CNBD1: variants seen among roughly 807,000 people sequenced by gnomAD.
CNBD1 encodes the protein cyclic nucleotide binding domain containing 1.
In CNBD1, 71 loss-of-function variants were observed where a neutral mutation model predicts 54.4. The observed-to-expected ratio is 1.30, with a 90% confidence interval of 1.08 to 1.59. CNBD1 has a LOEUF of 1.59. Among genes scored for constraint, CNBD1 ranks in the 40% most tolerant of loss-of-function variants. CNBD1 has a pLI of 0.00. For missense variants in CNBD1, 659 were observed against 518.0 expected, an observed-to-expected ratio of 1.27 and a Z score of -2.64; for synonymous variants, 182 against 170.7, an observed-to-expected ratio of 1.07 and a Z score of -0.51.
intron 4 of CNBD1, among the ~76,000 whole-genome samples, chr8:87,179,059 T>C (rs540749734): frequency 2.6e-5 from 4 of 152,232 alleles, no homozygotes; most frequent in Admixed American, 2.0e-4. Context: ...TACAGGTGCG[T>C]GCCACCATGC....
chr8:87,280,012 C>T (rs953821959), intron 6 of CNBD1, among the ~76,000 whole-genome samples: 5 of 151,246 alleles, frequency 3.3e-5, no homozygotes, highest in African/African-American at 1.2e-4. Flanking sequence ...CTCTTTGATT[C>T]AGCATATAGG....
At chr8:87,197,660 G>C (rs74760186) in intron 4 of CNBD1, among the ~76,000 whole-genome samples, 1 of 152,052 alleles carries the variant, frequency 6.6e-6, no homozygotes, top group Admixed American at 6.6e-5. Context: ...AATTGATCAG[G>C]AATGATATTT....
chr8:87,127,909 C>A (rs1812025621), intron 4 of CNBD1, among the ~76,000 whole-genome samples: 1 of 152,068 alleles, frequency 6.6e-6, no homozygotes, highest in Non-Finnish European at 1.5e-5. Flanking sequence ...CCCAAAGTTG[C>A]CTTTTGGTCT....
chr8:86,875,434 G>A (rs999007411), intron 1 of CNBD1, among the ~76,000 whole-genome samples: 11 of 152,120 alleles, frequency 7.2e-5, no homozygotes, highest in African/African-American at 2.7e-4. Context: ...ACTGTTCGAG[G>A]AAAAAGGCAA....
intron 6 of CNBD1, among the ~76,000 whole-genome samples, chr8:87,271,556 C>T (rs561372881): frequency 5.9e-5 from 9 of 151,764 alleles, no homozygotes; most frequent in African/African-American, 1.9e-4. Flanking sequence ...GTGTAATTTT[C>T]GAGGTTCCTC....
intron 2 of CNBD1, among the ~76,000 whole-genome samples, chr8:87,392,973 T>A (rs949159048): frequency 6.6e-6 from 1 of 151,950 alleles, no homozygotes; most frequent in Non-Finnish European, 1.5e-5. Flanking sequence ...AAAAAGAGAA[T>A]TTCAAGTGGT....
At chr8:86,956,035 A>G (rs891734278) in intron 4 of CNBD1, among the ~76,000 whole-genome samples, 1 of 152,178 alleles carries the variant, frequency 6.6e-6, no homozygotes, top group Admixed American at 6.5e-5. Flanking sequence ...ATCCAGTTTC[A>G]GCTTTCTACA....
At chr8:86,897,766 T>C (rs1323032730) in intron 2 of CNBD1, among the ~76,000 whole-genome samples, 1 of 152,208 alleles carries the variant, frequency 6.6e-6, no homozygotes, top group Non-Finnish European at 1.5e-5. Context: ...AAGTGCAGTT[T>C]GCTAATTCCC....
intron 6 of CNBD1, among the ~76,000 whole-genome samples, chr8:87,266,436 A>ATTTTT (rs1712234748): frequency 2.6e-5 from 2 of 76,224 alleles, no homozygotes; most frequent in African/African-American, 4.0e-5. Context: ...AAAAAAAAAA[A>ATTTTT]TCTTTTTTTT....
intron 4 of CNBD1, among the ~76,000 whole-genome samples, chr8:87,104,575 C>T (rs943503953): frequency 1.5e-4 from 23 of 152,186 alleles, no homozygotes; most frequent in East Asian, 5.8e-4. Flanking sequence ...AAGATCTGTG[C>T]CCCATTTCCA....
At chr8:87,347,399 C>G (rs1810195747) in intron 8 of CNBD1, among the ~76,000 whole-genome samples, 1 of 152,086 alleles carries the variant, frequency 6.6e-6, no homozygotes, top group Non-Finnish European at 1.5e-5. Flanking sequence ...CATAAGTGAA[C>G]AAAAGATAAA....
intron 9 of CNBD1, among the ~76,000 whole-genome samples, chr8:87,353,013 C>T (rs749104491): frequency 2.6e-5 from 4 of 152,112 alleles, no homozygotes; most frequent in Non-Finnish European, 5.9e-5. Flanking sequence ...CAAATCTCCC[C>T]GCAAAGGTAA....
In CNBD1 at chr8:87,403,560, G is replaced by A. The variant is rs80349579; in HGVS notation, c.214-24986G>A. 3.2e-3 allele frequency among the ~76,000 whole-genome samples: 483 copies of A among 152,050 alleles called. 2 individuals carry two copies. Among genetic ancestry groups the A allele is most frequent in the African/African-American group, 0.011 (451 of 41,504 alleles). ...AGGTTTTCTTTGAGATTTTCTGAATGTTGCTTTACTTCTCTCACACTGGAT... is the reference window on the plus strand; with the variant it reads ...AGGTTTTCTTTGAGATTTTCTGAATATTGCTTTACTTCTCTCACACTGGAT... On this transcript the variant is annotated intron_variant, in intron 2 of 7. Coordinates refer to the CNBD1 transcript ENST00000521593.
chr8:87,381,865 C>G (rs1563579531), intron 10 of CNBD1, among the ~76,000 whole-genome samples: 1 of 151,842 alleles, frequency 6.6e-6, no homozygotes, highest in Admixed American at 6.6e-5. Flanking sequence ...TGGGAACCTA[C>G]TAATCCATGG....
chr8:87,357,737 G>T (rs930006390), intron 10 of CNBD1, among the ~76,000 whole-genome samples: 1 of 152,048 alleles, frequency 6.6e-6, no homozygotes, highest in South Asian at 2.1e-4. Context: ...GTTGGGAAGG[G>T]GTGATTATAT....
chr8:87,382,967 A>T (rs7831408), downstream of CNBD1: 1,524 of 178,794 alleles, frequency 8.5e-3, 22 homozygotes, highest in African/African-American at 0.033. Flanking sequence ...GCACAAAAGG[A>T]TGGAAACATA....
chr8:86,984,501 A>G (rs1808560554), intron 4 of CNBD1, among the ~76,000 whole-genome samples: 1 of 152,164 alleles, frequency 6.6e-6, no homozygotes, highest in Non-Finnish European at 1.5e-5. Context: ...AAAGCTGCAG[A>G]CACTCAATGC....
chr8:87,276,361 C>T (rs1366555516), intron 6 of CNBD1, among the ~76,000 whole-genome samples: 1 of 151,760 alleles, frequency 6.6e-6, no homozygotes, highest in Non-Finnish European at 1.5e-5. Flanking sequence ...TTTCCTATTA[C>T]AAGCAATAAT....
chr8:87,061,465 T>C (rs554331842), intron 4 of CNBD1, among the ~76,000 whole-genome samples: 1 of 152,340 alleles, frequency 6.6e-6, no homozygotes, highest in East Asian at 1.9e-4. Flanking sequence ...TCATAAAGAT[T>C]CAATCCTCTG....
Sources: gnomAD v4.1 joint callset for allele counts (sites outside exome capture counted in the v4.1 genomes callset) on GRCh38, gnomAD v4.1.1 for gene constraint, MANE v1.5 for transcripts, NCBI Gene and HGNC (gene_info 2026-07-23, HGNC 2026-07-21) for gene names.